RAD17: variants seen among roughly 807,000 people sequenced by gnomAD.
The protein encoded by RAD17 is cell cycle checkpoint protein RAD17.
RAD17 carries 31 observed loss-of-function variants against 81.5 expected under a neutral mutation model. The observed-to-expected ratio is 0.38, with a 90% confidence interval of 0.29 to 0.51. The LOEUF is 0.51. Among genes scored for constraint, RAD17 ranks in the 20% least tolerant of loss-of-function variants. The probability of loss-of-function intolerance (pLI) is 0.88; values close to 1 mark genes in which losing one functional copy is unlikely to be tolerated. For synonymous variants in RAD17, 261 were observed against 266.2 expected, an observed-to-expected ratio of 0.98 and a Z score of 0.19; for missense variants, 681 against 781.2, an observed-to-expected ratio of 0.87 and a Z score of 1.53.
chr5:69,379,203 C>A (rs190147148), intron 6 of RAD17, among the ~76,000 whole-genome samples: 2 of 151,950 alleles, frequency 1.3e-5, no homozygotes, highest in East Asian at 1.9e-4. Flanking sequence ...GCCACTGTGC[C>A]CCAGCCTGGG....
At chr5:69,383,763 G>A (rs562346200) in intron 7 of RAD17, among the ~76,000 whole-genome samples, 7 of 152,028 alleles carry the variant, frequency 4.6e-5, no homozygotes, top group Non-Finnish European at 8.8e-5. Context: ...GGATTCTCAC[G>A]ACCCAACCTC....
intron 5 of RAD17, 98 bp downstream of exon 5, chr5:69,374,185 C>A: frequency 9.1e-7 from 1 of 1,095,818 alleles, no homozygotes; most frequent in Non-Finnish European, 1.3e-6. Flanking sequence ...ATTTTTTACT[C>A]ATAAGAATCT....
At chr5:69,407,683 TCTC>T (rs1765709953) in intron 17 of RAD17, among the ~76,000 whole-genome samples, 1 of 144,052 alleles carries the variant, frequency 6.9e-6, no homozygotes, top group South Asian at 2.3e-4. Context: ...TTCAAGCAAT[TCTC>T]CTGCCTCAAC....
chr5:69,388,301 A>G lies in RAD17; in HGVS notation c.895-733A>G, dbSNP rs149903000. Among the ~76,000 whole-genome samples, 15 of 152,338 alleles carry G rather than the reference A, an allele frequency of 9.8e-5. No homozygotes were observed. The East Asian group carries it at 2.5e-3, about 25-fold the overall frequency. ...TCATCCTCACCAGACTGTATAATGT[A>G]TAACCCCAGTAAAGGAATTTTCATG... On this transcript the variant is annotated intron_variant, in intron 11 of 18. Coordinates refer to ENST00000354868, the MANE Select transcript of RAD17 (RefSeq NM_133338.3).
intron 5 of RAD17, among the ~76,000 whole-genome samples, 184 bp from the exon 6 acceptor site, chr5:69,374,439 CAACTT>C (rs1426402171): frequency 6.6e-6 from 1 of 152,090 alleles, no homozygotes; most frequent in Non-Finnish European, 1.5e-5. Context: ...ACAGAGGTAT[CAACTT>C]AAGAATATAA....
Position 69,389,044 on chromosome 5 carries a change from A to T in RAD17, c.905A>T (p.Lys302Ile). ...ATTTTCTTATTTTAGAATGGAGGAAAAATTACTGTCCCTGACAAAACTTCT... is the reference window on the plus strand; with the variant it reads ...ATTTTCTTATTTTAGAATGGAGGAATAATTACTGTCCCTGACAAAACTTCT... ...VTIEANKNGG[K>I]ITVPDKTSLE... Residue 302 changes from lysine to isoleucine, a missense_variant, in exon 12 of 19, where the codon AAA becomes ATA. Physicochemically the swap from Lys to Ile is moderately radical, Grantham distance 102. Transcript: ENST00000354868. 1 of 1,480,776 alleles carries T rather than the reference A, an allele frequency of 6.8e-7. No homozygotes were observed. Among genetic ancestry groups the T allele is most frequent in the Non-Finnish European group, 9.0e-7 (1 of 1,111,868 alleles). 91.7% of individuals were successfully genotyped at this position (1,480,776 alleles called of 1,614,324 possible).
intron 11 of RAD17, 134 bp downstream of exon 11, chr5:69,386,599 T>C: frequency 4.6e-6 from 5 of 1,082,046 alleles, no homozygotes; most frequent in Non-Finnish European, 6.0e-6. Context: ...AGGCATGTCA[T>C]TTTAGCAAAT....
chr5:69,409,583 C>A (rs146264999), intron 17 of RAD17, among the ~76,000 whole-genome samples: 1 of 152,102 alleles, frequency 6.6e-6, no homozygotes, highest in African/African-American at 2.4e-5. Flanking sequence ...AAGTTTTCAC[C>A]GATTTTGCTT....
Position 69,372,233 on chromosome 5 carries a change from A to C in RAD17, c.9+16A>C. ...AATGAATCAGGTAGCTATGACTAAA[A>C]TTTTTTCCAGTGGTCTTCCTTTTTT... On this transcript the variant is annotated intron_variant, in intron 4 of 18. Transcript: ENST00000354868. 6.3e-7 allele frequency: 1 copy of C among 1,581,846 alleles called. No individual in the cohort carries two copies. The highest frequency in any genetic ancestry group is 8.7e-7 in the Non-Finnish European group (1 of 1,151,404).
intron 7 of RAD17, among the ~76,000 whole-genome samples, chr5:69,383,179 G>A (rs544599816): frequency 6.6e-6 from 1 of 151,916 alleles, no homozygotes; most frequent in Non-Finnish European, 1.5e-5. Flanking sequence ...TTTTCATATT[G>A]CAACTCCAGG....
chr5:69,407,205 G>T (rs941224668), intron 17 of RAD17, among the ~76,000 whole-genome samples: 3 of 151,928 alleles, frequency 2.0e-5, no homozygotes, highest in Non-Finnish European at 4.4e-5. Flanking sequence ...GTTTTACTAT[G>T]TTGGCCAGTC....
rs1347041671 is a variant in RAD17 at position 69,377,640 on chromosome 5, T to TATATATATGC, written c.351+2938_351+2947dup. ...ATATATATGCATATATATGTATACATATATATATGCATATATATATGTATA... is the reference window on the plus strand; with the variant it reads ...ATATATATGCATATATATGTATACATATATATATGCATATATATGCATATATATATGTATA... On this transcript the variant is annotated intron_variant, in intron 6 of 18. Coordinates refer to ENST00000354868, the MANE Select transcript of RAD17 (RefSeq NM_133338.3). Among the ~76,000 whole-genome samples the TATATATATGC allele has an allele frequency of 2.9e-4, 2 of 6,998 alleles. 1 individual carries two copies. The highest frequency in any genetic ancestry group is 7.1e-4 in the African/African-American group (2 of 2,808). 4.6% of individuals were successfully genotyped at this position (6,998 alleles called of 152,430 possible).
At chr5:69,378,961 G>A (rs149011486) in intron 6 of RAD17, among the ~76,000 whole-genome samples, 110 of 152,258 alleles carry the variant, frequency 7.2e-4, no homozygotes, top group African/African-American at 2.6e-3. Flanking sequence ...CAGTAAAAAG[G>A]CCGGGCTTGG....
chr5:69,386,048 A>T lies in RAD17; in HGVS notation c.651A>T (p.Leu217Phe). The T allele has an allele frequency of 1.9e-6, 3 of 1,590,430 alleles. No homozygotes were observed. The South Asian group carries it at 3.6e-5, about 19-fold the overall frequency. ...TDKKIILVED[L>F]PNQFYRDSHT... ...TTATTTTTTATTTTCAATAGGATTTACCTAACCAGTTTTATCGGGATTCTC... is the reference window on the plus strand; with the variant it reads ...TTATTTTTTATTTTCAATAGGATTTTCCTAACCAGTTTTATCGGGATTCTC... The change falls in exon 9 of 19, where the codon TTA becomes TTT. Residue 217 changes from leucine to phenylalanine, a missense_variant. Leu to Phe is a conservative substitution (Grantham distance 22). Coordinates refer to ENST00000354868, the MANE Select transcript of RAD17 (RefSeq NM_133338.3).
intron 16 of RAD17, among the ~76,000 whole-genome samples, chr5:69,397,292 C>T (rs759027047): frequency 1.2e-4 from 18 of 152,110 alleles, no homozygotes; most frequent in Non-Finnish European, 2.4e-4. Context: ...CAGGCATCTA[C>T]CTCCATGCCC....
chr5:69,381,357 T>C (rs1198147940), intron 6 of RAD17, among the ~76,000 whole-genome samples: 1 of 151,796 alleles, frequency 6.6e-6, no homozygotes, highest in African/African-American at 2.4e-5. Context: ...GGCGGGCGCC[T>C]GTAGTCCCAG....
intron 17 of RAD17, among the ~76,000 whole-genome samples, chr5:69,409,666 G>T (rs1215340524): frequency 6.6e-6 from 1 of 151,986 alleles, no homozygotes; most frequent in Non-Finnish European, 1.5e-5. Flanking sequence ...TTTTCTTTTT[G>T]CATTTTTAAT....
chr5:69,369,724 G>C, upstream of RAD17: 1 of 1,549,346 alleles, frequency 6.5e-7, no homozygotes, highest in Non-Finnish European at 8.7e-7. Context: ...GGTACTTCGG[G>C]TCAGGCAGTG....
chr5:69,395,929 A>G (rs1300854829), intron 15 of RAD17, among the ~76,000 whole-genome samples: 1 of 152,224 alleles, frequency 6.6e-6, no homozygotes, highest in Non-Finnish European at 1.5e-5. Flanking sequence ...AAATATAACT[A>G]GTTGATATAA....
Sources: allele counts gnomAD v4.1 joint callset (sites outside exome capture counted in the v4.1 genomes callset), GRCh38; gene constraint gnomAD v4.1.1; transcripts MANE v1.5; gene names NCBI Gene and HGNC (gene_info 2026-07-23, HGNC 2026-07-21).